Variants in GRID2 observed in about 807,000 individuals in gnomAD.
GRID2 encodes the protein glutamate ionotropic receptor delta type subunit 2, also known as glutamate receptor ionotropic, delta-2.
GRID2 carries 33 observed loss-of-function variants against 114.8 expected under a neutral mutation model. The observed-to-expected ratio is 0.29, with a 90% confidence interval of 0.22 to 0.38. The LOEUF is 0.38. Ranked by LOEUF, GRID2 falls within the 10% of genes least tolerant of loss-of-function variation. GRID2 has a pLI of 1.00. For missense variants in GRID2, 1,184 were observed against 1,257.7 expected (o/e 0.94, Z 0.89); for synonymous variants, 505 against 449.9 (o/e 1.12, Z -1.55).
intron 14 of GRID2, among the ~76,000 whole-genome samples, chr4:93,674,933 G>T (rs1464251086): frequency 2.0e-5 from 3 of 152,068 alleles, no homozygotes; most frequent in Non-Finnish European, 4.4e-5. Context: ...GGATGGAAGA[G>T]GGGGGTATAT....
At chr4:93,480,019 A>G (rs1362726746) in intron 11 of GRID2, among the ~76,000 whole-genome samples, 1 of 152,140 alleles carries the variant, frequency 6.6e-6, no homozygotes, top group Non-Finnish European at 1.5e-5. Context: ...CATTCACAAA[A>G]TAGCTTTTCT....
At chr4:92,703,971 G>T (rs1734808998) in intron 2 of GRID2, among the ~76,000 whole-genome samples, 1 of 152,010 alleles carries the variant, frequency 6.6e-6, no homozygotes, top group Non-Finnish European at 1.5e-5. Context: ...GTAGATGTTT[G>T]CAGAATTAAA....
intron 2 of GRID2, among the ~76,000 whole-genome samples, chr4:92,823,391 T>G (rs910650744): frequency 1.3e-4 from 20 of 152,128 alleles, no homozygotes; most frequent in Non-Finnish European, 2.4e-4. Flanking sequence ...CTATTGATAT[T>G]TGCTAAATTT....
chr4:93,606,432 G>A (rs1740247960), intron 13 of GRID2, among the ~76,000 whole-genome samples: 1 of 152,168 alleles, frequency 6.6e-6, no homozygotes, highest in Admixed American at 6.5e-5. Context: ...TCATGAAGGT[G>A]AGCCCAACTA....
chr4:92,700,865 G>C (rs898575899), intron 2 of GRID2, among the ~76,000 whole-genome samples: 5 of 152,044 alleles, frequency 3.3e-5, no homozygotes, highest in African/African-American at 1.2e-4. Context: ...GGTGGCAGGC[G>C]CCTGTAGTCC....
chr4:93,625,722 T>C (rs1361232370), intron 13 of GRID2, among the ~76,000 whole-genome samples: 2 of 152,226 alleles, frequency 1.3e-5, no homozygotes, highest in South Asian at 2.1e-4. Flanking sequence ...GAGACCATCC[T>C]GGCTAACACG....
At chr4:92,715,045 T>G (rs1735466711) in intron 2 of GRID2, among the ~76,000 whole-genome samples, 1 of 152,180 alleles carries the variant, frequency 6.6e-6, no homozygotes, top group African/African-American at 2.4e-5. Flanking sequence ...TTTTCCAAAC[T>G]TTTATGCTCT....
At chr4:93,034,276 T>C (rs150657643) in intron 2 of GRID2, among the ~76,000 whole-genome samples, 87 of 152,242 alleles carry the variant, frequency 5.7e-4, no homozygotes, top group African/African-American at 1.9e-3. Flanking sequence ...TCTCAAATAA[T>C]AGAAGGCAAT....
downstream of GRID2, among the ~76,000 whole-genome samples, chr4:93,777,192 G>A (rs1450454560): frequency 6.6e-6 from 1 of 152,176 alleles, no homozygotes; most frequent in African/African-American, 2.4e-5. Context: ...GAGCTGCACA[G>A]AGGCATGGAA....
intron 4 of GRID2, among the ~76,000 whole-genome samples, chr4:93,144,899 G>GT (rs1736069177): frequency 6.6e-6 from 1 of 152,132 alleles, no homozygotes. Flanking sequence ...CAAAGACAAA[G>GT]TATCAGGGAA....
intron 8 of GRID2, among the ~76,000 whole-genome samples, chr4:93,244,047 C>T (rs532954058): frequency 1.4e-4 from 21 of 151,984 alleles, no homozygotes; most frequent in Middle Eastern, 3.4e-3. Context: ...AATAACTCTA[C>T]GTTTAAGGAA....
chr4:93,519,271 C>T (rs538916554), intron 13 of GRID2, among the ~76,000 whole-genome samples: 23 of 152,092 alleles, frequency 1.5e-4, no homozygotes, highest in South Asian at 1.2e-3. Flanking sequence ...CTGAAACAAA[C>T]GGAAGATGGC....
intron 2 of GRID2, among the ~76,000 whole-genome samples, chr4:93,041,812 A>G (rs1725541725): frequency 6.6e-6 from 1 of 152,130 alleles, no homozygotes; most frequent in Non-Finnish European, 1.5e-5. Context: ...GTAGAGCCCT[A>G]ACTTCTACTT....
intron 8 of GRID2, among the ~76,000 whole-genome samples, chr4:93,256,744 A>G (rs1749639239): frequency 6.6e-6 from 1 of 152,002 alleles, no homozygotes. Flanking sequence ...GGCAATATAG[A>G]CCAAATACAT....
intron 2 of GRID2, among the ~76,000 whole-genome samples, chr4:92,935,345 A>T (rs530078780): frequency 6.8e-6 from 1 of 147,128 alleles, no homozygotes; most frequent in Non-Finnish European, 1.5e-5. Flanking sequence ...ATACCATCTC[A>T]CACCAGTTAG....
In GRID2 at chr4:93,051,246, C is replaced by T. The variant is rs887118136; in HGVS notation, c.245-33749C>T. Among the ~76,000 whole-genome samples, 3 of 151,964 alleles carry T rather than the reference C, an allele frequency of 2.0e-5. No individual in the cohort carries two copies. The East Asian group carries it at 5.8e-4, about 29-fold the overall frequency. On this transcript the variant is annotated intron_variant, in intron 2 of 15. Coordinates refer to ENST00000282020, the MANE Select transcript of GRID2 (RefSeq NM_001510.4). ...GTAGTTTTATTCTACATTGTAAATACCTTGGGGGAGAAACGCATTACTGAT... is the reference window on the plus strand; with the variant it reads ...GTAGTTTTATTCTACATTGTAAATATCTTGGGGGAGAAACGCATTACTGAT...
At chr4:93,543,041 C>T (rs1448776359) in intron 13 of GRID2, among the ~76,000 whole-genome samples, 1 of 152,170 alleles carries the variant, frequency 6.6e-6, no homozygotes. Context: ...TGCCAAAATG[C>T]GAGTGGTCTC....
rs537382446 is a variant in GRID2 at position 93,515,549 on chromosome 4, C to T, written c.2193+138C>T. The T allele has an allele frequency of 1.5e-4, 90 of 601,654 alleles. 1 individual carries two copies. The highest frequency in any genetic ancestry group is 4.7e-4 in the African/African-American group (25 of 53,644). The allele number at this position is 601,654 out of a possible 1,614,324, so 37.3% of individuals were successfully genotyped here. The stretch of plus-strand genomic sequence containing the variant: ...TGACGGCAAATTTCCTGTTACAATG[C>T]ATCTTATATTGATTTAAAGAAGATT... On this transcript the variant is annotated intron_variant, in intron 13 of 15. Coordinates refer to ENST00000282020, the MANE Select transcript of GRID2 (RefSeq NM_001510.4).
At chr4:93,259,008 A>G (rs7687990) in intron 8 of GRID2, 283,807 of 415,256 alleles carry the variant, frequency 0.68, 99,063 homozygotes, top group African/African-American at 0.86. Flanking sequence ...AAGTCAGGAA[A>G]ATGAGTCTTC....
Sources: gnomAD v4.1 joint callset for allele counts (sites outside exome capture counted in the v4.1 genomes callset) on GRCh38, gnomAD v4.1.1 for gene constraint, MANE v1.5 for transcripts, NCBI Gene and HGNC (gene_info 2026-07-23, HGNC 2026-07-21) for gene names.